Variants in PDIA5 observed in about 807,000 individuals in gnomAD.
PDIA5 encodes protein disulfide-isomerase A5.
PDIA5 carries 58 observed loss-of-function variants against 77.6 expected under a neutral mutation model. The ratio of observed to expected loss-of-function variants is 0.75; its 90% CI spans 0.61 to 0.93. The LOEUF (loss-of-function observed/expected upper bound fraction) is 0.93, where lower values mean the gene tolerates loss of function less well. PDIA5 is among the 40% of genes least tolerant of loss of function. The pLI, the probability that PDIA5 is intolerant of heterozygous loss-of-function variation, is 0.00. For missense variants in PDIA5, 630 were observed against 647.7 expected (o/e 0.97, Z 0.30); for synonymous variants, 250 against 252.1 (o/e 0.99, Z 0.08).
intron 13 of PDIA5, among the ~76,000 whole-genome samples, chr3:123,148,568 T>TA (rs144004309): frequency 0.21 from 29,432 of 142,502 alleles, 3,017 homozygotes; most frequent in South Asian, 0.28. Context: ...GACCCTGTCT[T>TA]AAAAAAAAAA....
intron 5 of PDIA5, among the ~76,000 whole-genome samples, chr3:123,104,699 A>G (rs554107823): frequency 6.6e-6 from 1 of 152,322 alleles, no homozygotes; most frequent in South Asian, 2.1e-4. Flanking sequence ...TCCTTACTAT[A>G]GAAGTGGTAA....
At chr3:123,097,758 T>A (rs1298321357) in intron 3 of PDIA5, among the ~76,000 whole-genome samples, 1 of 151,916 alleles carries the variant, frequency 6.6e-6, no homozygotes, top group Non-Finnish European at 1.5e-5. Flanking sequence ...CTCCTACCTG[T>A]CCCCAGGGCA....
chr3:123,141,966 C>T (rs1476981006), intron 11 of PDIA5, among the ~76,000 whole-genome samples: 3 of 152,184 alleles, frequency 2.0e-5, no homozygotes, highest in East Asian at 1.9e-4. Context: ...GGGCTCCTAA[C>T]CCCAGTTCTG....
In PDIA5 at chr3:123,110,975, A is replaced by G. The variant is rs756475480; in HGVS notation, c.512A>G (p.Lys171Arg). ...DFRRLLKKEEKPLLIMFYAPW... is the reference protein window; with the variant it reads ...DFRRLLKKEERPLLIMFYAPW... ...AGACGGCTCCTGAAGAAGGAAGAGA[A>G]GCCGCTCCTGATCATGTTTTATGCC... Residue 171 changes from lysine (K) to arginine (R), a missense_variant, in exon 7 of 17, where the codon AAG becomes AGG. Lys to Arg is a conservative substitution (Grantham distance 26, BLOSUM62 2). Coordinates refer to ENST00000316218, the MANE Select transcript of PDIA5 (RefSeq NM_006810.4). 27 of 1,613,678 alleles carry G rather than the reference A, an allele frequency of 1.7e-5. No individual in the cohort carries two copies. Among genetic ancestry groups the G allele is most frequent in the Non-Finnish European group, 2.2e-5 (26 of 1,179,902 alleles).
At chr3:123,152,107 T>TCCTGCCTTCCTG (rs1454470258) in intron 14 of PDIA5, among the ~76,000 whole-genome samples, 8 of 35,840 alleles carry the variant, frequency 2.2e-4, no homozygotes, top group African/African-American at 1.1e-3. Flanking sequence ...CTGCCTTCCT[T>TCCTGCCTTCCTG]CCTTCCTTCC....
chr3:123,159,964 G>A (rs1560569519), intron 15 of PDIA5, among the ~76,000 whole-genome samples: 1 of 152,250 alleles, frequency 6.6e-6, no homozygotes, highest in Non-Finnish European at 1.5e-5. Flanking sequence ...CCAAAGAACT[G>A]TGTGAATCAT....
intron 1 of PDIA5, among the ~76,000 whole-genome samples, chr3:123,070,102 A>AAAGAAG (rs1364578892): frequency 2.4e-4 from 36 of 151,884 alleles, no homozygotes; most frequent in African/African-American, 8.0e-4. Flanking sequence ...AAAAAAAAAA[A>AAAGAAG]AAGAAGAAGA....
intron 11 of PDIA5, among the ~76,000 whole-genome samples, chr3:123,131,289 G>A (rs938111058): frequency 2.2e-4 from 33 of 151,712 alleles, no homozygotes; most frequent in African/African-American, 6.1e-4. Flanking sequence ...GCGTGGTGGC[G>A]TGCACCTATA....
In PDIA5 at chr3:123,107,780, C is replaced by T. The variant is rs1040513446; in HGVS notation, c.480+939C>T. 3.1e-4 allele frequency among the ~76,000 whole-genome samples: 47 copies of T among 152,158 alleles called. 1 individual carries two copies. The highest frequency in any genetic ancestry group is 1.1e-3 in the African/African-American group (47 of 41,440). ...CTTTCATCTTTCTCTTCCTCCTCTC[C>T]CCTTTCCTTTAAAATTGTTGACTTT... On this transcript the variant is annotated intron_variant, in intron 6 of 16. Transcript: ENST00000316218.
intron 11 of PDIA5, among the ~76,000 whole-genome samples, chr3:123,133,166 A>G (rs1239359757): frequency 1.3e-5 from 2 of 152,192 alleles, no homozygotes; most frequent in Admixed American, 6.5e-5. Flanking sequence ...TTTGTATCTC[A>G]TGCCAGAGTG....
At position 123,121,481 on chromosome 3, in the gene PDIA5, A is replaced by C. The variant is rs140703393; in HGVS notation, c.610-2585A>C. Among the ~76,000 whole-genome samples, 4 of 152,330 alleles carry C rather than the reference A, an allele frequency of 2.6e-5. No homozygotes were observed. In the East Asian group the frequency reaches 7.7e-4, roughly 29 times the overall value. On this transcript the variant is annotated intron_variant, in intron 8 of 16. Coordinates refer to ENST00000316218, the MANE Select transcript of PDIA5 (RefSeq NM_006810.4). ...AAGTGTTTGTATGTAGTTTTTCAAA[A>C]ATTTTTGCCTCATTAACTAATAGAT...
At chr3:123,102,140 C>G (rs1934618077) in intron 3 of PDIA5, among the ~76,000 whole-genome samples, 1 of 152,244 alleles carries the variant, frequency 6.6e-6, no homozygotes, top group Middle Eastern at 3.4e-3. Context: ...GAACTCCTGA[C>G]CTCAGGTGAT....
At chr3:123,068,675 A>G (rs1279062337) in intron 1 of PDIA5, among the ~76,000 whole-genome samples, 3 of 152,202 alleles carry the variant, frequency 2.0e-5, no homozygotes, top group Non-Finnish European at 2.9e-5. Context: ...CATTCGGCAG[A>G]CATTTATTTG....
chr3:123,141,841 G>T (rs56352660), intron 11 of PDIA5, among the ~76,000 whole-genome samples: 1 of 152,116 alleles, frequency 6.6e-6, no homozygotes, highest in Non-Finnish European at 1.5e-5. Context: ...TGACATGTGG[G>T]CCAGTGTGGA....
intron 12 of PDIA5, 93 bp downstream of exon 12, chr3:123,145,685 G>A: frequency 9.1e-7 from 1 of 1,099,268 alleles, no homozygotes; most frequent in Non-Finnish European, 1.4e-6. Context: ...CCCTGCTGCA[G>A]CTCCCGTGGT....
intron 14 of PDIA5, among the ~76,000 whole-genome samples, chr3:123,152,661 G>A (rs983391857): frequency 2.0e-5 from 3 of 152,038 alleles, no homozygotes; most frequent in Non-Finnish European, 2.9e-5. Flanking sequence ...ATACCCACAC[G>A]TTCCTGCTCC....
intron 3 of PDIA5, among the ~76,000 whole-genome samples, chr3:123,097,839 C>T (rs1029365607): frequency 8.5e-5 from 13 of 152,182 alleles, no homozygotes; most frequent in Admixed American, 2.6e-4. Flanking sequence ...GTTATCCCTT[C>T]TTTGATGGGG....
At chr3:123,133,239 G>A (rs1935413625) in intron 11 of PDIA5, among the ~76,000 whole-genome samples, 1 of 152,182 alleles carries the variant, frequency 6.6e-6, no homozygotes, top group Admixed American at 6.5e-5. Flanking sequence ...CTGGAGTAAA[G>A]GACAAATGTC....
intron 2 of PDIA5, among the ~76,000 whole-genome samples, chr3:123,092,068 G>A (rs1406165502): frequency 6.6e-6 from 1 of 152,252 alleles, no homozygotes; most frequent in Non-Finnish European, 1.5e-5. Context: ...TCTTGGAATA[G>A]TAAGGTGTGA....
Sources: gnomAD v4.1 joint callset for allele counts (sites outside exome capture counted in the v4.1 genomes callset) on GRCh38, gnomAD v4.1.1 for gene constraint, MANE v1.5 for transcripts, NCBI Gene and HGNC (gene_info 2026-07-23, HGNC 2026-07-21) for gene names.